Variants in RP1L1 observed in about 807,000 individuals in gnomAD.
RP1L1 encodes RP1 like 1.
Under a neutral mutation model 15.7 loss-of-function variants are expected in RP1L1, and 27 were observed. The observed-to-expected ratio is 1.72, with a 90% CI of 1.27 to 2.38. The LOEUF (loss-of-function observed/expected upper bound fraction) is 2.38, where lower values mean the gene tolerates loss of function less well. Among genes scored for constraint, RP1L1 ranks in the 30% most tolerant of loss-of-function variants. The probability of loss-of-function intolerance (pLI) is 0.00; values close to 1 mark genes in which losing one functional copy is unlikely to be tolerated. For missense variants in RP1L1, 4,798 were observed against 3,075.9 expected (o/e 1.56, Z -13.24); for synonymous variants, 1,813 against 1,276.7 (o/e 1.42, Z -8.96).
chr8:10,652,254 A>G (rs1207449444), intron 1 of RP1L1, among the ~76,000 whole-genome samples: 1 of 152,242 alleles, frequency 6.6e-6, no homozygotes, highest in Non-Finnish European at 1.5e-5. Flanking sequence ...AAATGATTTT[A>G]GGATCAAGAA....
chr8:10,633,129 G>A (rs1489706336), intron 1 of RP1L1, among the ~76,000 whole-genome samples: 1 of 152,230 alleles, frequency 6.6e-6, no homozygotes, highest in African/African-American at 2.4e-5. Flanking sequence ...GACCGCATCT[G>A]TGGCTGGAGG....
In RP1L1 at chr8:10,607,015, A is replaced by G. The variant is rs780745629; in HGVS notation, c.7083T>C (p.Thr2361=). The G allele has an allele frequency of 1.9e-6, 3 of 1,614,154 alleles. No homozygotes were observed. Among genetic ancestry groups the G allele is most frequent in the South Asian group, 1.1e-5 (1 of 91,080 alleles). ...AACCTTCACTGGCCCCCTGCTCTGG[A>G]GTCCTTGAGCCCAAAGGGGCCTCTT... ...EQEEAPLGSR[T]PEQGASEGYD... Residue 2361 remains threonine (T), a synonymous_variant, in exon 4 of 4, where the codon ACT becomes ACC. Coordinates refer to ENST00000382483, the MANE Select transcript of RP1L1 (RefSeq NM_178857.6).
At chr8:10,639,288 G>A (rs1159806912) in intron 1 of RP1L1, among the ~76,000 whole-genome samples, 1 of 152,186 alleles carries the variant, frequency 6.6e-6, no homozygotes, top group Admixed American at 6.5e-5. Flanking sequence ...GGACAAACGA[G>A]CAGCCTACAA....
Position 10,612,217 on chromosome 8 carries a change from G to C in RP1L1, c.1881C>G (p.Thr627=). The C allele has an allele frequency of 1.2e-6, 2 of 1,613,244 alleles. No homozygotes were observed. The highest frequency in any genetic ancestry group is 1.7e-6 in the Non-Finnish European group (2 of 1,179,964). The change falls in exon 4 of 4, where the codon ACC becomes ACG. Residue 627 remains threonine, a synonymous_variant. Transcript: ENST00000382483. ...CSWDSEGASS[T]PSTCTSSQQG... ...GCTGGGATGAAGTGCAGGTGGAAGG[G>C]GTGGAAGAGGCTCCTTCCGAGTCCC...
In RP1L1 at chr8:10,622,598, T is replaced by C. The variant is rs536018538; in HGVS notation, c.604A>G (p.Lys202Glu). The change falls in exon 2 of 4, where the codon AAA (lysine) becomes GAA (glutamate). Residue 202 changes from lysine to glutamate, a missense_variant. Coordinates refer to ENST00000382483, the MANE Select transcript of RP1L1 (RefSeq NM_178857.6). ...PVKQLYTTSG[K>E]KVDSLQALLH... is the part of the protein sequence containing the mutation. ...GTCAGACCCCAACAGCCTACCTTTT[T>C]CCCGCTGGTCGTGTACAACTGCTTC... 6.2e-6 allele frequency: 10 copies of C among 1,614,198 alleles called. No homozygotes were observed. In the East Asian group the frequency reaches 1.3e-4, roughly 22 times the overall value.
At chr8:10,619,323 C>G (rs556683787) in intron 2 of RP1L1, among the ~76,000 whole-genome samples, 27 of 152,376 alleles carry the variant, frequency 1.8e-4, no homozygotes, top group African/African-American at 6.3e-4. Flanking sequence ...TTGTTCCTGA[C>G]TCTTGCCACA....
At chr8:10,628,385 C>T (rs1262234565) in intron 1 of RP1L1, among the ~76,000 whole-genome samples, 1 of 152,098 alleles carries the variant, frequency 6.6e-6, no homozygotes, top group African/African-American at 2.4e-5. Flanking sequence ...ACACCAATGC[C>T]CCTCCTGAAA....
chr8:10,621,357 G>C (rs1038296574), intron 2 of RP1L1: 25 of 164,424 alleles, frequency 1.5e-4, no homozygotes, highest in African/African-American at 2.4e-5. Context: ...GATGGAGTCT[G>C]GCTCTGTCAC....
chr8:10,619,342 G>A (rs969380567), intron 2 of RP1L1, among the ~76,000 whole-genome samples: 4 of 152,242 alleles, frequency 2.6e-5, no homozygotes, highest in Non-Finnish European at 5.9e-5. Flanking sequence ...CAAGCAAAAG[G>A]AAGTCAAAGA....
intron 2 of RP1L1, chr8:10,621,681 A>G (rs560675881): frequency 1.8e-5 from 9 of 486,590 alleles, no homozygotes; most frequent in South Asian, 1.3e-4. Context: ...AAGGAGCAAC[A>G]GGACTGAATC....
rs192310682 is a variant in RP1L1, at chr8:10,622,572, C to T, written c.609+21G>A. On this transcript the variant is annotated intron_variant, in intron 2 of 3. Transcript: ENST00000382483. The stretch of plus-strand genomic sequence containing the variant: ...GGTCTAAAGAACCTTTTCAAGGAAC[C>T]GTCAGACCCCAACAGCCTACCTTTT... 1.4e-3 allele frequency: 2,278 copies of T among 1,614,052 alleles called. 4 individuals carry two copies. Among genetic ancestry groups the T allele is most frequent in the South Asian group, 1.7e-3 (154 of 90,974 alleles).
intron 1 of RP1L1, among the ~76,000 whole-genome samples, chr8:10,635,740 G>C (rs368926091): frequency 5.9e-5 from 9 of 152,240 alleles, no homozygotes; most frequent in African/African-American, 2.2e-4. Flanking sequence ...AGACAGTGGA[G>C]GATGTGGGAG....
At position 10,622,890 on chromosome 8, in the gene RP1L1, G is replaced by A; in HGVS notation, c.312C>T (p.Cys104=). ...GGGTCTTGGGGGGCTTCTTATCAGAGCAGAGGTAGCAGCCTCCATCTTCCA... is the reference window on the plus strand; with the variant it reads ...GGGTCTTGGGGGGCTTCTTATCAGAACAGAGGTAGCAGCCTCCATCTTCCA... ...EQLEDGGCYL[C]SDKKPPKTPS... Residue 104 remains cysteine (C), a synonymous_variant, in exon 2 of 4, where the codon TGC becomes TGT. Transcript: ENST00000382483. The A allele has an allele frequency of 6.2e-7, 1 of 1,613,814 alleles. No homozygotes were observed. Among genetic ancestry groups the A allele is most frequent in the Admixed American group, 1.7e-5 (1 of 60,004 alleles).
chr8:10,610,955 G>T lies in RP1L1; in HGVS notation c.3143C>A (p.Pro1048Gln). ...SGEGVPQGAA[P>Q]EGVSEAPAEA... Reference sequence around the variant, plus strand: ...TGCAGGGGCCTCGGAAACTCCCTCTGGAGCTGCCCCTTGGGGGACACCCTC... The same window carrying T: ...TGCAGGGGCCTCGGAAACTCCCTCTTGAGCTGCCCCTTGGGGGACACCCTC... Residue 1048 changes from proline to glutamine, a missense_variant, in exon 4 of 4, where the codon CCA (proline) becomes CAA (glutamine). Coordinates refer to ENST00000382483, the MANE Select transcript of RP1L1 (RefSeq NM_178857.6). The T allele has an allele frequency of 6.2e-7, 1 of 1,612,046 alleles. No individual in the cohort carries two copies. The highest frequency in any genetic ancestry group is 1.1e-5 in the South Asian group (1 of 90,968).
Position 10,607,336 on chromosome 8 carries a change from C to G in RP1L1, c.6762G>C (p.Gln2254His), listed in dbSNP as rs999673892. The G allele has an allele frequency of 3.7e-6, 6 of 1,614,234 alleles. No individual in the cohort carries two copies. The highest frequency in any genetic ancestry group is 5.1e-6 in the Non-Finnish European group (6 of 1,180,040). Reference protein sequence around the residue: ...ETQGEKKGSPQVSLGDGQSEE... With the variant: ...ETQGEKKGSPHVSLGDGQSEE... ...CAGATTGGCCATCTCCTAGACTGAC[C>G]TGAGGGCTCCCCTTTTTCTCACCTT... The change falls in exon 4 of 4, where the codon CAG (glutamine) becomes CAC (histidine). Residue 2254 changes from glutamine (Q) to histidine (H), a missense_variant. Coordinates refer to ENST00000382483, the MANE Select transcript of RP1L1 (RefSeq NM_178857.6).
chr8:10,622,520 C>G (rs1798076729), intron 2 of RP1L1, 73 bp downstream of exon 2: 7 of 1,597,802 alleles, frequency 4.4e-6, no homozygotes, highest in East Asian at 2.2e-5. Flanking sequence ...AATAATCTCT[C>G]TCTTCCATGT....
intron 3 of RP1L1, among the ~76,000 whole-genome samples, chr8:10,614,575 C>T (rs1797933358): frequency 6.7e-6 from 1 of 149,428 alleles, no homozygotes; most frequent in East Asian, 2.0e-4. Flanking sequence ...GCACAAAAAT[C>T]ACTTGAACCC....
At chr8:10,623,747 C>T (rs1365606908) in intron 1 of RP1L1, among the ~76,000 whole-genome samples, 1 of 151,496 alleles carries the variant, frequency 6.6e-6, no homozygotes, top group Non-Finnish European at 1.5e-5. Flanking sequence ...TATGCACTTA[C>T]AGTCACCATG....
Position 10,606,968 on chromosome 8 carries a change from G to A in RP1L1, c.7130C>T (p.Ala2377Val), listed in dbSNP as rs1797713397. Reference sequence around the variant, plus strand: ...CTCAGTGGGGGCGAGACTTCCGAGTGCCTGGTCCTCTTGTAGGTCATAACC... The same window carrying A: ...CTCAGTGGGGGCGAGACTTCCGAGTACCTGGTCCTCTTGTAGGTCATAACC... ...SEGYDLQEDQ[A>V]LGSLAPTEAV... The change falls in exon 4 of 4, where the codon GCA becomes GTA. Residue 2377 changes from alanine to valine, a missense_variant. Coordinates refer to ENST00000382483, the MANE Select transcript of RP1L1 (RefSeq NM_178857.6). 1 of 1,614,224 alleles carries A rather than the reference G, an allele frequency of 6.2e-7. No homozygotes were observed. Among genetic ancestry groups the A allele is most frequent in the Non-Finnish European group, 8.5e-7 (1 of 1,180,036 alleles).
Sources: allele counts gnomAD v4.1 joint callset (sites outside exome capture counted in the v4.1 genomes callset), GRCh38; gene constraint gnomAD v4.1.1; transcripts MANE v1.5; gene names NCBI Gene and HGNC (gene_info 2026-07-23, HGNC 2026-07-21).